The following C2CD5 variants were observed in gnomAD, a reference collection of about 807,000 sequenced individuals.
C2CD5 encodes C2 calcium dependent domain containing 5, also known as C2 domain-containing protein 5.
In C2CD5, 109 loss-of-function variants were observed where a neutral mutation model predicts 130.3. The ratio of observed to expected loss-of-function variants is 0.84; its 90% CI spans 0.72 to 0.98. C2CD5 has a LOEUF of 0.98. Among genes scored for constraint, C2CD5 ranks in the 50% least tolerant of loss-of-function variants. The pLI is 0.00. For missense variants in C2CD5, 996 were observed against 1,261.8 expected, an observed-to-expected ratio of 0.79 and a Z score of 3.19; for synonymous variants, 454 against 429.2, an observed-to-expected ratio of 1.06 and a Z score of -0.71.
intron 16 of C2CD5, among the ~76,000 whole-genome samples, chr12:22,474,481 C>T (rs1943542575): frequency 6.6e-6 from 1 of 152,078 alleles, no homozygotes; most frequent in Non-Finnish European, 1.5e-5. Flanking sequence ...ACAAAAATAA[C>T]TTCAAAGGTT....
intron 8 of C2CD5, among the ~76,000 whole-genome samples, chr12:22,516,067 T>C (rs570644529): frequency 2.2e-4 from 33 of 151,392 alleles, no homozygotes; most frequent in African/African-American, 8.0e-4. Flanking sequence ...AAAAAACAAC[T>C]TTCTCAGTCT....
intron 22 of C2CD5, among the ~76,000 whole-genome samples, chr12:22,461,623 C>T (rs117791906): frequency 0.014 from 2,138 of 152,166 alleles, 19 homozygotes; most frequent in Non-Finnish European, 0.023. Flanking sequence ...AAAGTAGTTG[C>T]CTCTTGGGGA....
chr12:22,507,783 A>G (rs1948736033), intron 9 of C2CD5, among the ~76,000 whole-genome samples: 1 of 152,222 alleles, frequency 6.6e-6, no homozygotes, highest in South Asian at 2.1e-4. Context: ...AATTGAGCAT[A>G]ATTGAGAAAA....
intron 10 of C2CD5, among the ~76,000 whole-genome samples, chr12:22,503,666 C>T (rs370449520): frequency 6.6e-6 from 1 of 151,990 alleles, no homozygotes; most frequent in African/African-American, 2.4e-5. Flanking sequence ...AATGTACCAC[C>T]AGGCCCGGAT....
chr12:22,514,991 G>C (rs1949569371), intron 8 of C2CD5: 1 of 985,186 alleles, frequency 1.0e-6, no homozygotes, highest in Non-Finnish European at 1.2e-6. Context: ...TTCACTGAAA[G>C]AAACACTTTT....
chr12:22,508,620 A>AAT (rs1948841670), intron 9 of C2CD5, among the ~76,000 whole-genome samples: 2 of 152,204 alleles, frequency 1.3e-5, no homozygotes, highest in Non-Finnish European at 2.9e-5. Context: ...ATTACACAAT[A>AAT]TAAGTATTAA....
At chr12:22,480,674 A>C (rs1944579420) in intron 14 of C2CD5, among the ~76,000 whole-genome samples, 1 of 152,216 alleles carries the variant, frequency 6.6e-6, no homozygotes, top group Non-Finnish European at 1.5e-5. Flanking sequence ...ATAGGCACCC[A>C]CCAATCATTA....
At chr12:22,534,336 T>C (rs1391776486) in intron 3 of C2CD5, among the ~76,000 whole-genome samples, 1 of 152,162 alleles carries the variant, frequency 6.6e-6, no homozygotes, top group African/African-American at 2.4e-5. Context: ...GAGTTGACAA[T>C]GGATTCTTTG....
At chr12:22,472,547 CT>C (rs1943207300) in intron 17 of C2CD5, 196 bp downstream of exon 17, 5 of 621,274 alleles carry the variant, frequency 8.0e-6, no homozygotes, top group African/African-American at 1.9e-5. Context: ...TATAAAAGGA[CT>C]AAAAATCACT....
At position 22,506,824 on chromosome 12, in the gene C2CD5, T is replaced by G. The variant is rs1591897861; in HGVS notation, c.1039-5A>C. The G allele has an allele frequency of 6.5e-7, 1 of 1,534,718 alleles. No homozygotes were observed. Among genetic ancestry groups the G allele is most frequent in the Non-Finnish European group, 9.0e-7 (1 of 1,108,052 alleles). The stretch of plus-strand genomic sequence containing the variant: ...CAAGGTAAAAAATGGAAATTCCTAG[T>G]GGAAAGAATAAGGGAAAAATACAAC... On this transcript the variant is annotated splice_region_variant and splice_polypyrimidine_tract_variant and intron_variant, in intron 9 of 26. Transcript: ENST00000446597.
At chr12:22,528,286 A>G (rs1247544693) in intron 3 of C2CD5, among the ~76,000 whole-genome samples, 1 of 152,190 alleles carries the variant, frequency 6.6e-6, no homozygotes, top group Admixed American at 6.5e-5. Context: ...TGACACCACA[A>G]TTTCTAAGGG....
chr12:22,457,428 G>A (rs1940132418), intron 24 of C2CD5, among the ~76,000 whole-genome samples: 1 of 152,180 alleles, frequency 6.6e-6, no homozygotes, highest in Non-Finnish European at 1.5e-5. Context: ...CACACACAAT[G>A]ATTGGTTATA....
At chr12:22,512,562 TTAAA>T in intron 9 of C2CD5, 1 of 1,009,990 alleles carries the variant, frequency 9.9e-7, no homozygotes. Context: ...TTTGCTAAGA[TTAAA>T]TAAAATTTAA....
intron 2 of C2CD5, among the ~76,000 whole-genome samples, chr12:22,538,439 A>AT (rs1244358030): frequency 6.6e-6 from 1 of 152,196 alleles, no homozygotes; most frequent in East Asian, 1.9e-4. Flanking sequence ...TTGGTAAAGT[A>AT]TATCAGCCAA....
intron 16 of C2CD5, 113 bp downstream of exon 16, chr12:22,474,638 T>A (rs1943564764): frequency 1.5e-6 from 1 of 677,902 alleles, no homozygotes; most frequent in Admixed American, 3.4e-5. Context: ...AATAACTTTT[T>A]AAATATTTAT....
In C2CD5 at chr12:22,472,278, AG is replaced by A. The variant is rs1943162826; in HGVS notation, c.2169+7del. The A allele has an allele frequency of 6.9e-7, 1 of 1,453,472 alleles. No individual in the cohort carries two copies. Among genetic ancestry groups the A allele is most frequent in the African/African-American group, 1.4e-5 (1 of 70,270 alleles). 90.0% of individuals were successfully genotyped at this position (1,453,472 alleles called of 1,614,324 possible). A position where few individuals can be genotyped will look rare whatever the true frequency, so the allele number is the denominator to read the frequency against. ...TTATGTGCTTAAAATTAAGAAAAAA[AG>A]GTTTACCTGTATTTCAGAGGTCCAA... On this transcript the variant is annotated splice_region_variant and intron_variant, in intron 18 of 26. Coordinates refer to ENST00000446597, the MANE Select transcript of C2CD5 (RefSeq NM_001286176.2).
intron 25 of C2CD5, among the ~76,000 whole-genome samples, chr12:22,455,988 TTTACC>T (rs1939780531): frequency 6.6e-6 from 1 of 152,198 alleles, no homozygotes; most frequent in African/African-American, 2.4e-5. Context: ...CCTGGCCTAA[TTTACC>T]TTAAAGAAAA....
chr12:22,511,769 G>A (rs1291822244), intron 9 of C2CD5, among the ~76,000 whole-genome samples: 2 of 152,136 alleles, frequency 1.3e-5, no homozygotes, highest in Non-Finnish European at 1.5e-5. Flanking sequence ...TAAAGTCACA[G>A]GCACAACATA....
chr12:22,459,317 T>C (rs550806585), intron 23 of C2CD5, among the ~76,000 whole-genome samples, 175 bp downstream of exon 23: 85 of 152,154 alleles, frequency 5.6e-4, no homozygotes, highest in Non-Finnish European at 1.0e-3. Context: ...AATTTAAATA[T>C]TAGTTTAATT....
Sources: allele counts gnomAD v4.1 joint callset (sites outside exome capture counted in the v4.1 genomes callset), GRCh38; gene constraint gnomAD v4.1.1; transcripts MANE v1.5; gene names NCBI Gene and HGNC (gene_info 2026-07-23, HGNC 2026-07-21).